GRM1: variants seen among roughly 807,000 people sequenced by gnomAD.
The protein encoded by GRM1 is metabotropic glutamate receptor 1.
Under a neutral mutation model 90.9 loss-of-function variants are expected in GRM1, and 33 were observed. The ratio of observed to expected loss-of-function variants is 0.36; its 90% CI spans 0.28 to 0.49. The LOEUF (loss-of-function observed/expected upper bound fraction) is 0.49. GRM1 is among the 20% of genes least tolerant of loss of function. GRM1 has a pLI of 0.99. For missense variants in GRM1, 1,190 were observed against 1,534.3 expected, an observed-to-expected ratio of 0.78 and a Z score of 3.75; for synonymous variants, 700 against 613.2, an observed-to-expected ratio of 1.14 and a Z score of -2.09.
At chr6:146,028,853 T>C (rs911227735), upstream of GRM1, among the ~76,000 whole-genome samples, 7 of 152,232 alleles carry the variant, frequency 4.6e-5, no homozygotes, top group African/African-American at 1.4e-4. Context: ...CGGAAAGTTC[T>C]CTTGGGTTGA....
At chr6:146,285,145 A>G (rs1288046972) in intron 2 of GRM1, among the ~76,000 whole-genome samples, 3 of 152,128 alleles carry the variant, frequency 2.0e-5, no homozygotes, top group East Asian at 1.9e-4. Flanking sequence ...GGCATGTACC[A>G]TTTCTGGAGT....
intron 2 of GRM1, among the ~76,000 whole-genome samples, chr6:146,283,262 G>A (rs1039311557): frequency 5.3e-5 from 8 of 152,214 alleles, no homozygotes; most frequent in Non-Finnish European, 8.8e-5. Context: ...GCCAATTTTT[G>A]TGGTGGTTTG....
chr6:146,269,801 A>G (rs1782044985), intron 2 of GRM1, among the ~76,000 whole-genome samples: 1 of 147,110 alleles, frequency 6.8e-6, no homozygotes, highest in Non-Finnish European at 1.5e-5. Context: ...ATTGTCTTCC[A>G]TGAAACTGGT....
intron 1 of GRM1, among the ~76,000 whole-genome samples, chr6:146,066,449 T>C (rs563706101): frequency 1.3e-5 from 2 of 152,318 alleles, no homozygotes; most frequent in East Asian, 1.9e-4. Context: ...CTTTATCCAA[T>C]CCACCATTGA....
At chr6:146,083,649 G>T (rs1442646854) in intron 1 of GRM1, among the ~76,000 whole-genome samples, 3 of 152,158 alleles carry the variant, frequency 2.0e-5, no homozygotes, top group African/African-American at 7.2e-5. Context: ...ATTTTATTGA[G>T]GGTTTTTGCA....
intron 1 of GRM1, among the ~76,000 whole-genome samples, chr6:146,058,155 A>G (rs1399541964): frequency 6.6e-6 from 1 of 152,064 alleles, no homozygotes; most frequent in Non-Finnish European, 1.5e-5. Context: ...ACGAGCTGTC[A>G]TCTTCTTTTT....
At chr6:146,324,094 A>C (rs981490309) in intron 3 of GRM1, among the ~76,000 whole-genome samples, 2 of 152,170 alleles carry the variant, frequency 1.3e-5, no homozygotes, top group Non-Finnish European at 2.9e-5. Context: ...TTCCCTGCCC[A>C]GAGGGAGGAA....
At chr6:146,204,981 C>T (rs1287384623) in intron 2 of GRM1, among the ~76,000 whole-genome samples, 5 of 152,002 alleles carry the variant, frequency 3.3e-5, no homozygotes, top group African/African-American at 1.2e-4. Flanking sequence ...TAGAGTTGGC[C>T]CCTTTACAGT....
chr6:146,205,738 C>T (rs1171211942), intron 2 of GRM1, among the ~76,000 whole-genome samples: 1 of 152,126 alleles, frequency 6.6e-6, no homozygotes, highest in African/African-American at 2.4e-5. Context: ...ACTTTCAATC[C>T]TGTTCTGGGG....
chr6:146,397,800 A>G (rs1777020916), intron 6 of GRM1, among the ~76,000 whole-genome samples: 2 of 152,170 alleles, frequency 1.3e-5, no homozygotes. Context: ...ACACATGTTC[A>G]CTGAGGCAAG....
chr6:146,321,415 G>A (rs192454115), intron 3 of GRM1, among the ~76,000 whole-genome samples: 14 of 152,294 alleles, frequency 9.2e-5, no homozygotes, highest in Admixed American at 7.8e-4. Flanking sequence ...GAATAAGTGC[G>A]ATGTGGTGCT....
At chr6:146,247,906 A>G (rs1225405242) in intron 2 of GRM1, among the ~76,000 whole-genome samples, 1 of 149,356 alleles carries the variant, frequency 6.7e-6, no homozygotes, top group African/African-American at 2.4e-5. Flanking sequence ...TATCACTAAT[A>G]TAGTATATAT....
Position 146,178,350 on chromosome 6 carries a change from CATATT to C in GRM1, c.950+18758_950+18762del, listed in dbSNP as rs568224589. 2.0e-5 allele frequency among the ~76,000 whole-genome samples: 3 copies of C among 152,222 alleles called. No homozygotes were observed. The South Asian group carries it at 6.2e-4, about 32-fold the overall frequency. On this transcript the variant is annotated intron_variant, in intron 2 of 7. Transcript: ENST00000282753. ...CACAGAGGTAAAGTGCCATTTTCATCATATTATATAGGTTGAGTATCCCTTAGCTG... is the reference window on the plus strand; with the variant it reads ...CACAGAGGTAAAGTGCCATTTTCATCATATAGGTTGAGTATCCCTTAGCTG...
chr6:146,200,427 G>A (rs1375138581), intron 2 of GRM1, among the ~76,000 whole-genome samples: 1 of 152,100 alleles, frequency 6.6e-6, no homozygotes, highest in Non-Finnish European at 1.5e-5. Flanking sequence ...ATGCCTTTGT[G>A]CTCACACCAG....
intron 2 of GRM1, among the ~76,000 whole-genome samples, chr6:146,286,134 T>G (rs1049465622): frequency 6.6e-6 from 1 of 152,162 alleles, no homozygotes; most frequent in Non-Finnish European, 1.5e-5. Flanking sequence ...CATCAACATC[T>G]CTTTTAAAAA....
At chr6:146,380,381 G>C (rs572569246) in intron 5 of GRM1, among the ~76,000 whole-genome samples, 51 of 133,758 alleles carry the variant, frequency 3.8e-4, no homozygotes, top group African/African-American at 1.4e-3. Context: ...GAGCCCTTTG[G>C]CATCTTTCCA....
At chr6:146,041,976 C>G (rs1310520028) in intron 1 of GRM1, among the ~76,000 whole-genome samples, 1 of 151,926 alleles carries the variant, frequency 6.6e-6, no homozygotes, top group African/African-American at 2.4e-5. Context: ...AAGATGGTGT[C>G]TTGTTACTGC....
At position 146,163,681 on chromosome 6, in the gene GRM1, G is replaced by A. The variant is rs116648642; in HGVS notation, c.950+4084G>A. ...TGATTGTTTTGTTTAAGAGATATTG[G>A]CATTAATCTTAGTTTCCTTTTAACT... On this transcript the variant is annotated intron_variant, in intron 2 of 7. Coordinates refer to ENST00000282753, the MANE Select transcript of GRM1 (RefSeq NM_001278064.2). Among the ~76,000 whole-genome samples the A allele has an allele frequency of 3.0e-3, 458 of 152,254 alleles. 3 individuals carry two copies. The highest frequency in any genetic ancestry group is 0.01 in the African/African-American group (435 of 41,568).
intron 2 of GRM1, among the ~76,000 whole-genome samples, chr6:146,195,433 G>T (rs1779083231): frequency 1.3e-5 from 2 of 152,154 alleles, no homozygotes; most frequent in South Asian, 2.1e-4. Context: ...CTACTGATGG[G>T]TGAGATTGAG....
Sources: gnomAD v4.1 joint callset for allele counts (sites outside exome capture counted in the v4.1 genomes callset) on GRCh38, gnomAD v4.1.1 for gene constraint, MANE v1.5 for transcripts, NCBI Gene and HGNC (gene_info 2026-07-23, HGNC 2026-07-21) for gene names.